The following TMPRSS15 variants were observed in gnomAD, a reference collection of about 807,000 sequenced individuals.
TMPRSS15 encodes the protein transmembrane serine protease 15.
In TMPRSS15, 128 loss-of-function variants were observed where a neutral mutation model predicts 125.3. The ratio of observed to expected loss-of-function variants is 1.02; its 90% CI spans 0.89 to 1.18. The LOEUF (loss-of-function observed/expected upper bound fraction) is 1.18. Ranked by LOEUF, TMPRSS15 falls within the 50% of genes most tolerant of loss-of-function variation. The probability of loss-of-function intolerance (pLI) is 0.00; values close to 1 mark genes in which losing one functional copy is unlikely to be tolerated. For missense variants in TMPRSS15, 1,283 were observed against 1,212.7 expected, an observed-to-expected ratio of 1.06 and a Z score of -0.86; for synonymous variants, 446 against 423.2, an observed-to-expected ratio of 1.05 and a Z score of -0.66.
chr21:18,288,272 A>T (rs1391549315), intron 21 of TMPRSS15, among the ~76,000 whole-genome samples: 1 of 152,162 alleles, frequency 6.6e-6, no homozygotes, highest in Non-Finnish European at 1.5e-5. Context: ...TATAAGTGGG[A>T]GCCAAATAAT....
At chr21:18,478,880 C>G (rs1320475921) in intron 1 of TMPRSS15, among the ~76,000 whole-genome samples, 1 of 151,984 alleles carries the variant, frequency 6.6e-6, no homozygotes. Context: ...TATTTCTCTA[C>G]TATAAAATTC....
rs144256357 is a variant in TMPRSS15 at position 18,385,059 on chromosome 21, T to C, written c.345-1281A>G. Among the ~76,000 whole-genome samples, 128 of 152,310 alleles carry C rather than the reference T, an allele frequency of 8.4e-4. 1 individual carries two copies. Among genetic ancestry groups the C allele is most frequent in the African/African-American group, 2.6e-3 (110 of 41,566 alleles). ...TCATTTCCAGGAAGCTGGTCTTTCATTTTTAAAATGAACAAGATGATATAA... is the reference window on the plus strand; with the variant it reads ...TCATTTCCAGGAAGCTGGTCTTTCACTTTTAAAATGAACAAGATGATATAA... On this transcript the variant is annotated intron_variant, in intron 3 of 24. Coordinates refer to ENST00000284885, the MANE Select transcript of TMPRSS15 (RefSeq NM_002772.3).
intron 1 of TMPRSS15, among the ~76,000 whole-genome samples, chr21:18,424,260 A>G (rs1358737300): frequency 2.0e-5 from 3 of 152,228 alleles, no homozygotes; most frequent in Non-Finnish European, 4.4e-5. Flanking sequence ...TCTATTTTCC[A>G]GTTACTGAAT....
chr21:18,420,848 C>T (rs942923631), intron 1 of TMPRSS15, among the ~76,000 whole-genome samples: 4 of 152,108 alleles, frequency 2.6e-5, no homozygotes, highest in Non-Finnish European at 5.9e-5. Flanking sequence ...AGGCTTTCTC[C>T]GTTCAACCCC....
At chr21:18,433,997 A>G (rs1601461219) in intron 1 of TMPRSS15, among the ~76,000 whole-genome samples, 3 of 152,218 alleles carry the variant, frequency 2.0e-5, no homozygotes, top group South Asian at 4.1e-4. Flanking sequence ...TGGCAGGTCC[A>G]ATACAGGGGT....
At chr21:18,385,135 A>G (rs2075931520) in intron 3 of TMPRSS15, among the ~76,000 whole-genome samples, 1 of 152,206 alleles carries the variant, frequency 6.6e-6, no homozygotes. Context: ...TAAATTATAT[A>G]AAATGATAGA....
At chr21:18,334,961 T>C (rs960632578) in intron 13 of TMPRSS15, among the ~76,000 whole-genome samples, 1 of 152,066 alleles carries the variant, frequency 6.6e-6, no homozygotes, top group Non-Finnish European at 1.5e-5. Context: ...AGAGTGTACA[T>C]GGGGTGCCGA....
At chr21:18,282,046 C>T (rs1434869395) in intron 21 of TMPRSS15, among the ~76,000 whole-genome samples, 1 of 131,620 alleles carries the variant, frequency 7.6e-6, no homozygotes, top group African/African-American at 2.9e-5. Flanking sequence ...TGCAGTGAGC[C>T]GAGATTGCGC....
intron 18 of TMPRSS15, among the ~76,000 whole-genome samples, chr21:18,305,182 A>ATT (rs2075018505): frequency 2.5e-5 from 1 of 39,856 alleles, no homozygotes; most frequent in East Asian, 5.8e-4. Flanking sequence ...GAATTTCCGT[A>ATT]CTTTTTTTTT....
chr21:18,359,147 G>T (rs992420368), intron 8 of TMPRSS15, among the ~76,000 whole-genome samples: 2 of 152,050 alleles, frequency 1.3e-5, no homozygotes, highest in East Asian at 3.9e-4. Flanking sequence ...TTTGGGGCCC[G>T]GTGGAATAAA....
intron 21 of TMPRSS15, among the ~76,000 whole-genome samples, chr21:18,287,460 T>G (rs560420694): frequency 6.6e-6 from 1 of 152,250 alleles, no homozygotes; most frequent in African/African-American, 2.4e-5. Flanking sequence ...TCCTTCTTTG[T>G]GTAACAAGTG....
chr21:18,287,961 G>C (rs768287028), intron 21 of TMPRSS15, among the ~76,000 whole-genome samples: 9 of 152,074 alleles, frequency 5.9e-5, no homozygotes, highest in Non-Finnish European at 1.3e-4. Flanking sequence ...GCTACCATTT[G>C]ATCTAGTACT....
upstream of TMPRSS15, among the ~76,000 whole-genome samples, chr21:18,407,780 CAT>C (rs1286226703): frequency 6.6e-6 from 1 of 152,118 alleles, no homozygotes; most frequent in Admixed American, 6.5e-5. Context: ...TTATTTTAAA[CAT>C]ATACTTGAGA....
intron 24 of TMPRSS15, among the ~76,000 whole-genome samples, chr21:18,270,542 T>C (rs1307688847): frequency 2.0e-5 from 3 of 152,156 alleles, no homozygotes; most frequent in African/African-American, 7.2e-5. Flanking sequence ...CACAATATAC[T>C]TTTTGGAAAA....
At chr21:18,480,251 T>C (rs1344773576) in intron 1 of TMPRSS15, among the ~76,000 whole-genome samples, 1 of 151,948 alleles carries the variant, frequency 6.6e-6, no homozygotes, top group African/African-American at 2.4e-5. Context: ...AGTATTATGC[T>C]GGTTTTAGTA....
At chr21:18,410,823 C>T (rs2076164244) in intron 1 of TMPRSS15, among the ~76,000 whole-genome samples, 1 of 152,008 alleles carries the variant, frequency 6.6e-6, no homozygotes, top group African/African-American at 2.4e-5. Context: ...TAACTTCTGA[C>T]CTAAAGAACT....
chr21:18,353,140 T>C (rs1368441523), intron 9 of TMPRSS15, 88 bp from the exon 10 acceptor site: 6 of 1,076,028 alleles, frequency 5.6e-6, no homozygotes, highest in Middle Eastern at 3.0e-4. Context: ...AATCTAACCT[T>C]ATACAGCTTA....
At chr21:18,405,629 C>T (rs1404480854), upstream of TMPRSS15, among the ~76,000 whole-genome samples, 2 of 152,122 alleles carry the variant, frequency 1.3e-5, no homozygotes, top group Non-Finnish European at 2.9e-5. Context: ...AAACGTAGGG[C>T]ATTAATAATA....
chr21:18,316,790 G>A (rs2075172034), intron 16 of TMPRSS15, among the ~76,000 whole-genome samples: 1 of 152,148 alleles, frequency 6.6e-6, no homozygotes, highest in African/African-American at 2.4e-5. Context: ...TGTTCTGGGA[G>A]AGCCCTCATA....
Sources: gnomAD v4.1 joint callset for allele counts (sites outside exome capture counted in the v4.1 genomes callset) on GRCh38, gnomAD v4.1.1 for gene constraint, MANE v1.5 for transcripts, NCBI Gene and HGNC (gene_info 2026-07-23, HGNC 2026-07-21) for gene names.